Variants in AGBL4 observed in about 807,000 individuals in gnomAD.
AGBL4 encodes the protein AGBL carboxypeptidase 4.
AGBL4 carries 58 observed loss-of-function variants against 66.4 expected under a neutral mutation model. That is an observed-to-expected ratio of 0.87 (90% CI 0.71 to 1.09). AGBL4 has a LOEUF of 1.09. Ranked by LOEUF, AGBL4 falls within the 50% of genes least tolerant of loss-of-function variation. The probability of loss-of-function intolerance (pLI) is 0.00; values close to 1 mark genes in which losing one functional copy is unlikely to be tolerated. For missense variants in AGBL4, 579 were observed against 631.0 expected, an observed-to-expected ratio of 0.92 and a Z score of 0.88; for synonymous variants, 234 against 222.9, an observed-to-expected ratio of 1.05 and a Z score of -0.44.
chr1:49,717,189 C>G (rs1174689032), intron 2 of AGBL4, among the ~76,000 whole-genome samples: 1 of 151,756 alleles, frequency 6.6e-6, no homozygotes, highest in Non-Finnish European at 1.5e-5. Flanking sequence ...TGCACCACTG[C>G]TCAAGGAAAT....
chr1:49,150,979 T>G (rs906230609), intron 4 of AGBL4, among the ~76,000 whole-genome samples: 1 of 152,064 alleles, frequency 6.6e-6, no homozygotes, highest in African/African-American at 2.4e-5. Context: ...TAAAAATATA[T>G]ACATATAGGC....
intron 2 of AGBL4, among the ~76,000 whole-genome samples, chr1:49,701,243 G>T (rs1647086387): frequency 6.6e-6 from 1 of 151,612 alleles, no homozygotes; most frequent in Admixed American, 6.6e-5. Context: ...AGTAAGCCAA[G>T]ATGGCGCCAC....
At chr1:48,835,654 A>G (rs923552756) in intron 6 of AGBL4, among the ~76,000 whole-genome samples, 1 of 152,186 alleles carries the variant, frequency 6.6e-6, no homozygotes, top group African/African-American at 2.4e-5. Context: ...TAATCTTAAT[A>G]AGCCTCTGCC....
At chr1:48,569,139 C>T (rs35874937) in intron 11 of AGBL4, among the ~76,000 whole-genome samples, 1,872 of 152,314 alleles carry the variant, frequency 0.012, 20 homozygotes, top group Middle Eastern at 0.024. Flanking sequence ...AACCCTATGT[C>T]TAGGTTATAA....
intron 2 of AGBL4, among the ~76,000 whole-genome samples, chr1:49,739,162 G>A (rs962146492): frequency 2.6e-5 from 4 of 152,210 alleles, no homozygotes; most frequent in African/African-American, 9.6e-5. Context: ...CTTGAAAAAC[G>A]ATGAGAAGAA....
At chr1:48,733,556 C>T (rs1026815038) in intron 6 of AGBL4, among the ~76,000 whole-genome samples, 6 of 152,154 alleles carry the variant, frequency 3.9e-5, no homozygotes, top group Admixed American at 6.5e-5. Context: ...GAGGGAAACT[C>T]ACACAACTTG....
chr1:48,859,321 A>G (rs1647292090), intron 6 of AGBL4, among the ~76,000 whole-genome samples: 1 of 152,148 alleles, frequency 6.6e-6, no homozygotes, highest in African/African-American at 2.4e-5. Flanking sequence ...CAGGGAATCA[A>G]CACCTCCACC....
chr1:49,068,726 A>T (rs1644540606), intron 4 of AGBL4, among the ~76,000 whole-genome samples: 1 of 152,184 alleles, frequency 6.6e-6, no homozygotes, highest in Non-Finnish European at 1.5e-5. Flanking sequence ...AATGATTTAT[A>T]ATCCTTTGGG....
chr1:49,267,279 T>C (rs1397569851), intron 3 of AGBL4, among the ~76,000 whole-genome samples: 1 of 152,202 alleles, frequency 6.6e-6, no homozygotes, highest in Non-Finnish European at 1.5e-5. Context: ...GTTTGTAAGA[T>C]GACTGAGATC....
At position 49,893,561 on chromosome 1, in the gene AGBL4, A is replaced by C. The variant is rs113282508; in HGVS notation, c.35-42043T>G. Among the ~76,000 whole-genome samples the C allele has an allele frequency of 1.9e-3, 288 of 152,282 alleles. 1 individual carries two copies. Among genetic ancestry groups the C allele is most frequent in the Non-Finnish European group, 3.2e-3 (216 of 68,016 alleles). ...CAGACTGAAAAGCCCTTGGGCCTTA[A>C]GCGAACATTGACAATAGCCTGACAG... On this transcript the variant is annotated intron_variant, in intron 1 of 13. Transcript: ENST00000371839.
At chr1:49,205,249 A>C (rs1409132090) in intron 4 of AGBL4, among the ~76,000 whole-genome samples, 2 of 152,064 alleles carry the variant, frequency 1.3e-5, no homozygotes. Flanking sequence ...TTCCTCTTTC[A>C]AGGACACAGA....
intron 1 of AGBL4, among the ~76,000 whole-genome samples, chr1:49,947,252 T>C (rs1036320143): frequency 6.6e-6 from 1 of 151,662 alleles, no homozygotes; most frequent in Non-Finnish European, 1.5e-5. Flanking sequence ...AAAAGAAAAC[T>C]ACAGACTAAT....
chr1:49,964,171 C>T (rs1474151029), intron 1 of AGBL4, among the ~76,000 whole-genome samples: 1 of 152,104 alleles, frequency 6.6e-6, no homozygotes, highest in Non-Finnish European at 1.5e-5. Flanking sequence ...CATTGAGAAT[C>T]TATCCTGTAG....
chr1:49,861,298 C>A (rs575973470), intron 1 of AGBL4, among the ~76,000 whole-genome samples: 2 of 152,110 alleles, frequency 1.3e-5, no homozygotes, highest in Non-Finnish European at 2.9e-5. Flanking sequence ...TCAGCTGGGG[C>A]AGCCAAGGAA....
intron 6 of AGBL4, among the ~76,000 whole-genome samples, chr1:48,731,932 G>GAA (rs1648204465): frequency 6.6e-6 from 1 of 152,114 alleles, no homozygotes; most frequent in African/African-American, 2.4e-5. Context: ...AATGGAGAGA[G>GAA]GAGTCTGGAA....
At chr1:48,662,892 T>A (rs560467755) in intron 7 of AGBL4, among the ~76,000 whole-genome samples, 1 of 152,262 alleles carries the variant, frequency 6.6e-6, no homozygotes, top group African/African-American at 2.4e-5. Context: ...ACAGCACATA[T>A]GAGATAACTT....
At chr1:48,845,957 A>G (rs1386904373) in intron 6 of AGBL4, among the ~76,000 whole-genome samples, 1 of 152,192 alleles carries the variant, frequency 6.6e-6, no homozygotes, top group Non-Finnish European at 1.5e-5. Context: ...ATGTGTTATC[A>G]CTGTTTTTCA....
At chr1:48,895,845 T>C (rs985955813) in intron 5 of AGBL4, among the ~76,000 whole-genome samples, 7 of 152,170 alleles carry the variant, frequency 4.6e-5, no homozygotes, top group African/African-American at 1.7e-4. Context: ...CAATGTTACA[T>C]GGGCAGTGGC....
rs565976690 is a variant in AGBL4 at position 49,904,165 on chromosome 1, C to T, written c.35-52647G>A. On this transcript the variant is annotated intron_variant, in intron 1 of 13. Coordinates refer to ENST00000371839, the MANE Select transcript of AGBL4 (RefSeq NM_032785.4). ...ATCCATTCATATGGATACTTTTCTT[C>T]ACCTTAGGGAAATATAAATTAAGTT... Among the ~76,000 whole-genome samples, 3 of 152,254 alleles carry T rather than the reference C, an allele frequency of 2.0e-5. No individual in the cohort carries two copies. The South Asian group carries it at 6.2e-4, about 32-fold the overall frequency.
Sources: gnomAD v4.1 joint callset for allele counts (sites outside exome capture counted in the v4.1 genomes callset) on GRCh38, gnomAD v4.1.1 for gene constraint, MANE v1.5 for transcripts, NCBI Gene and HGNC (gene_info 2026-07-23, HGNC 2026-07-21) for gene names.